Variants in CHSY3 observed in about 807,000 individuals in gnomAD.
The protein encoded by CHSY3 is N-acetylgalactosaminyl-proteoglycan 3-beta-glucuronosyltransferase 3.
Under a neutral mutation model 67.2 loss-of-function variants are expected in CHSY3, and 35 were observed. That is an observed-to-expected ratio of 0.52 (90% CI 0.40 to 0.69). The LOEUF is 0.69. Among genes scored for constraint, CHSY3 ranks in the 30% least tolerant of loss-of-function variants. The pLI, the probability that CHSY3 is intolerant of heterozygous loss-of-function variation, is 0.00. For synonymous variants in CHSY3, 474 were observed against 434.7 expected (o/e 1.09, Z -1.12); for missense variants, 1,069 against 1,138.5 (o/e 0.94, Z 0.88).
At chr5:130,023,285 A>C (rs999231264) in intron 2 of CHSY3, among the ~76,000 whole-genome samples, 1 of 152,002 alleles carries the variant, frequency 6.6e-6, no homozygotes, top group Non-Finnish European at 1.5e-5. Flanking sequence ...ACCCAGTTAT[A>C]GGGAATCTAG....
chr5:129,990,134 A>T (rs1402983985), intron 2 of CHSY3, among the ~76,000 whole-genome samples: 1 of 152,132 alleles, frequency 6.6e-6, no homozygotes. Flanking sequence ...TCAATGTATT[A>T]AAAAACACTG....
chr5:130,079,158 T>C (rs1766368172), intron 2 of CHSY3, among the ~76,000 whole-genome samples: 1 of 152,162 alleles, frequency 6.6e-6, no homozygotes, highest in South Asian at 2.1e-4. Context: ...CTCAGAGACC[T>C]ATGACAACCT....
intron 2 of CHSY3, among the ~76,000 whole-genome samples, chr5:130,142,537 T>A (rs1334283636): frequency 1.3e-5 from 2 of 152,222 alleles, no homozygotes; most frequent in Non-Finnish European, 2.9e-5. Context: ...AAGTAAGGCA[T>A]CAAAATCAAT....
At chr5:129,967,170 G>C (rs1241133328) in intron 2 of CHSY3, among the ~76,000 whole-genome samples, 1 of 151,776 alleles carries the variant, frequency 6.6e-6, no homozygotes, top group Non-Finnish European at 1.5e-5. Context: ...AGACTCTGTA[G>C]TTTAATATGC....
intron 2 of CHSY3, among the ~76,000 whole-genome samples, chr5:130,112,337 T>C (rs1033231465): frequency 6.6e-6 from 1 of 152,108 alleles, no homozygotes; most frequent in African/African-American, 2.4e-5. Flanking sequence ...TGGTTTCTAG[T>C]GGGTTTTAAC....
At chr5:129,958,294 T>G (rs2149605841) in intron 2 of CHSY3, among the ~76,000 whole-genome samples, 1 of 152,286 alleles carries the variant, frequency 6.6e-6, no homozygotes, top group African/African-American at 2.4e-5. Context: ...ATTATTCTAA[T>G]TATGCAGTGT....
At chr5:130,122,086 A>T (rs1483886007) in intron 2 of CHSY3, among the ~76,000 whole-genome samples, 1 of 152,226 alleles carries the variant, frequency 6.6e-6, no homozygotes, top group African/African-American at 2.4e-5. Flanking sequence ...TAAGTCAGTA[A>T]TATCTGTGAC....
intron 2 of CHSY3, among the ~76,000 whole-genome samples, chr5:130,029,955 A>T (rs181168508): frequency 6.6e-6 from 1 of 152,176 alleles, no homozygotes; most frequent in Admixed American, 6.6e-5. Flanking sequence ...GTAGTGGATT[A>T]TACCTTTTTC....
intron 2 of CHSY3, among the ~76,000 whole-genome samples, chr5:129,956,722 A>G (rs759684588): frequency 4.6e-5 from 7 of 151,886 alleles, no homozygotes; most frequent in Non-Finnish European, 1.0e-4. Context: ...AATAGGGAGT[A>G]TGTCCTCGTT....
chr5:129,996,761 A>G (rs1763551787), intron 2 of CHSY3, among the ~76,000 whole-genome samples: 1 of 152,116 alleles, frequency 6.6e-6, no homozygotes, highest in Admixed American at 6.6e-5. Context: ...TCACACACAC[A>G]TACACACACA....
intron 2 of CHSY3, among the ~76,000 whole-genome samples, chr5:129,948,225 G>A (rs1379953110): frequency 6.6e-6 from 1 of 152,106 alleles, no homozygotes; most frequent in Non-Finnish European, 1.5e-5. Context: ...AACAGGTGGT[G>A]TTTAGTTACA....
intron 2 of CHSY3, among the ~76,000 whole-genome samples, chr5:130,117,721 A>C (rs926951960): frequency 6.6e-6 from 1 of 152,224 alleles, no homozygotes; most frequent in African/African-American, 2.4e-5. Context: ...AAAACTACAG[A>C]TGTCCAGCTA....
At chr5:130,174,863 C>T (rs1769996997) in intron 2 of CHSY3, among the ~76,000 whole-genome samples, 1 of 152,272 alleles carries the variant, frequency 6.6e-6, no homozygotes, top group East Asian at 1.9e-4. Context: ...GTTTTAGAGC[C>T]TGGCTCCATC....
chr5:129,972,886 G>A (rs1188638210), intron 2 of CHSY3, among the ~76,000 whole-genome samples: 2 of 151,724 alleles, frequency 1.3e-5, no homozygotes, highest in Non-Finnish European at 2.9e-5. Context: ...CTGTTTCATA[G>A]GCCTATCTTG....
intron 2 of CHSY3, among the ~76,000 whole-genome samples, chr5:130,129,247 T>C (rs1467341038): frequency 6.6e-6 from 1 of 152,152 alleles, no homozygotes; most frequent in African/African-American, 2.4e-5. Flanking sequence ...TTCCATCTAA[T>C]GAGCAACATT....
At chr5:130,179,029 A>C (rs1001047154) in intron 2 of CHSY3, among the ~76,000 whole-genome samples, 2 of 152,210 alleles carry the variant, frequency 1.3e-5, no homozygotes, top group Non-Finnish European at 2.9e-5. Flanking sequence ...CAACTTCCAC[A>C]ATTATAGTGT....
intron 2 of CHSY3, among the ~76,000 whole-genome samples, chr5:130,070,461 C>T (rs1010324406): frequency 6.6e-6 from 1 of 152,090 alleles, no homozygotes; most frequent in South Asian, 2.1e-4. Context: ...CCACGTCCAG[C>T]TTTCCCTGGT....
intron 1 of CHSY3, among the ~76,000 whole-genome samples, chr5:129,907,520 C>T (rs191533568): frequency 5.9e-5 from 9 of 152,274 alleles, no homozygotes; most frequent in African/African-American, 2.2e-4. Context: ...ACCAATTACA[C>T]TAATTTTTGA....
rs148283806 is a variant in CHSY3, at chr5:129,948,466, G to C, written c.1086+40106G>C. 5.3e-3 allele frequency among the ~76,000 whole-genome samples: 809 copies of C among 152,228 alleles called. 5 individuals carry two copies. Among genetic ancestry groups the C allele is most frequent in the Non-Finnish European group, 8.7e-3 (592 of 68,018 alleles). On this transcript the variant is annotated intron_variant, in intron 2 of 2. Coordinates refer to ENST00000305031, the MANE Select transcript of CHSY3 (RefSeq NM_175856.5). ...TTCCATTCCTGAATTACTTCACTTA[G>C]AATAATGGTCTCCAATTCCATCCAG... is the stretch of plus-strand genomic sequence containing the variant.
Sources: gnomAD v4.1 joint callset for allele counts (sites outside exome capture counted in the v4.1 genomes callset) on GRCh38, gnomAD v4.1.1 for gene constraint, MANE v1.5 for transcripts, NCBI Gene and HGNC (gene_info 2026-07-23, HGNC 2026-07-21) for gene names.